TEX51: variants seen among roughly 807,000 people sequenced by gnomAD.
The protein encoded by TEX51 is testis-expressed protein 51.
Under a neutral mutation model 8.0 loss-of-function variants are expected in TEX51, and 14 were observed. The ratio of observed to expected loss-of-function variants is 1.76; its 90% confidence interval spans 1.16 to 2.75. The LOEUF is 2.75. Among genes scored for constraint, TEX51 ranks in the 30% most tolerant of loss-of-function variants. TEX51 has a pLI of 0.00. For synonymous variants in TEX51, 58 were observed against 28.6 expected (o/e 2.03, Z -3.29); for missense variants, 142 against 77.4 (o/e 1.83, Z -3.13).
rs777505117 is a variant in TEX51 at position 126,899,955 on chromosome 2, G to A, written c.330G>A (p.Lys110=). Reference sequence around the variant, plus strand: ...CCATAGACATACAGTCCACACTGAAGGTCACCAGCTGTGCTGACTGCAGGA... The same window carrying A: ...CCATAGACATACAGTCCACACTGAAAGTCACCAGCTGTGCTGACTGCAGGA... ...LKEKDIQSTL[K]VTSCADCRTH... is the part of the protein sequence containing the mutation. The change falls in exon 4 of 7, where the codon AAG becomes AAA. Residue 110 remains lysine, a synonymous_variant. Coordinates refer to ENST00000568484, the MANE Select transcript of TEX51 (RefSeq NM_001322244.2). 1 of 701,886 alleles carries A rather than the reference G, an allele frequency of 1.4e-6. No homozygotes were observed. 43.5% of individuals were successfully genotyped at this position (701,886 alleles called of 1,614,324 possible).
rs978926166 is a variant in TEX51, at chr2:126,901,969, C to G, written c.*100C>G. ...CTCTGGGTCCCGGTGACCCCATCCC[C>G]CCATACCCTCCATCCTGGGTCCTGG... On this transcript the variant is annotated 3_prime_UTR_variant, in exon 7 of 7. Coordinates refer to ENST00000568484, the MANE Select transcript of TEX51 (RefSeq NM_001322244.2). The G allele has an allele frequency of 1.1e-5, 7 of 644,530 alleles. No homozygotes were observed. Among genetic ancestry groups the G allele is most frequent in the Non-Finnish European group, 2.0e-5 (7 of 356,734 alleles). The allele number at this position is 644,530 out of a possible 1,614,324, so 39.9% of individuals were successfully genotyped here. A position where few individuals can be genotyped will look rare whatever the true frequency, so the allele number is the denominator to read the frequency against.
chr2:126,899,640 C>T (rs561477161), intron 3 of TEX51, 28 bp downstream of exon 3: 50 of 697,646 alleles, frequency 7.2e-5, no homozygotes, highest in Middle Eastern at 2.4e-4. Flanking sequence ...TCCCTGCACA[C>T]GGCCCAGCCC....
At chr2:126,901,593 G>A in intron 6 of TEX51, 189 bp downstream of exon 6, 6 of 602,378 alleles carry the variant, frequency 1.0e-5, no homozygotes, top group South Asian at 4.0e-5. Context: ...CAGACATATT[G>A]GGGCCAGGGG....
At position 126,901,568 on chromosome 2, in the gene TEX51, C is replaced by T. The variant is rs1339063177; in HGVS notation, c.*2+164C>T. 5.9e-5 allele frequency: 36 copies of T among 610,224 alleles called. No homozygotes were observed. The East Asian group carries it at 9.0e-4, about 15-fold the overall frequency. The allele number at this position is 610,224 out of a possible 1,614,324, so 37.8% of individuals were successfully genotyped here. On this transcript the variant is annotated intron_variant, in intron 6 of 6. Coordinates refer to ENST00000568484, the MANE Select transcript of TEX51 (RefSeq NM_001322244.2). The stretch of plus-strand genomic sequence containing the variant: ...CAGGACTCTCAGGAGTGCCACTCAT[C>T]AGCCTCCATATATGCAGACATATTG...
At chr2:126,899,694 GC>G in intron 3 of TEX51, 82 bp downstream of exon 3, 1 of 693,568 alleles carries the variant, frequency 1.4e-6, no homozygotes, top group Admixed American at 2.0e-5. Context: ...TCACTCTGCA[GC>G]CCCCTCGATC....
Position 126,899,535 on chromosome 2 carries a change from T to G in TEX51, c.233T>G (p.Leu78Arg), listed in dbSNP as rs1326814216. ...IKTLRDDKTV[L>R]LEEIYTHKNL... ...CTGCTCTACCCAGATAAAACAGTAC[T>G]TCTGGAAGAGATCTACACGCACAAG... Residue 78 changes from leucine (L) to arginine (R), a missense_variant, in exon 3 of 7, where the codon CTT (leucine) becomes CGT (arginine). By Grantham distance (102) the Leu-to-Arg change is moderately radical. Transcript: ENST00000568484. 3 of 562,314 alleles carry G rather than the reference T, an allele frequency of 5.3e-6. No individual in the cohort carries two copies. The highest frequency in any genetic ancestry group is 9.6e-6 in the Non-Finnish European group (3 of 313,122). 34.8% of individuals were successfully genotyped at this position (562,314 alleles called of 1,614,324 possible).
At chr2:126,901,581 T>A in intron 6 of TEX51, 177 bp downstream of exon 6, 1 of 606,018 alleles carries the variant, frequency 1.7e-6, no homozygotes, top group South Asian at 2.0e-5. Flanking sequence ...CCTCCATATA[T>A]GCAGACATAT....
Position 126,901,970 on chromosome 2 carries a change from C to G in TEX51, c.*101C>G. ...TCTGGGTCCCGGTGACCCCATCCCCCCATACCCTCCATCCTGGGTCCTGGG... is the reference window on the plus strand; with the variant it reads ...TCTGGGTCCCGGTGACCCCATCCCCGCATACCCTCCATCCTGGGTCCTGGG... On this transcript the variant is annotated 3_prime_UTR_variant, in exon 7 of 7. Coordinates refer to ENST00000568484, the MANE Select transcript of TEX51 (RefSeq NM_001322244.2). 1 of 642,432 alleles carries G rather than the reference C, an allele frequency of 1.6e-6. No homozygotes were observed. Among genetic ancestry groups the G allele is most frequent in the East Asian group, 3.0e-5 (1 of 33,572 alleles). The allele number at this position is 642,432 out of a possible 1,614,324, so 39.8% of individuals were successfully genotyped here.
chr2:126,899,496 A>G (rs879699776), intron 2 of TEX51, 27 bp from the exon 3 acceptor site: 1 of 693,654 alleles, frequency 1.4e-6, no homozygotes, highest in Non-Finnish European at 2.6e-6. Flanking sequence ...GTAACCCTGA[A>G]CACCCCTTCC....
rs1680248512 is a variant in TEX51, at chr2:126,900,119, C to A, written c.394+100C>A. The stretch of plus-strand genomic sequence containing the variant: ...TCTCTTTTGCCCAACTCAAGCTTTT[C>A]TTGTTCTTTATCCTCACCCTGGGTG... On this transcript the variant is annotated intron_variant, in intron 4 of 6. Coordinates refer to ENST00000568484, the MANE Select transcript of TEX51 (RefSeq NM_001322244.2). 5.8e-6 allele frequency: 4 copies of A among 684,326 alleles called. No individual in the cohort carries two copies. In the African/African-American group the frequency reaches 7.0e-5, roughly 12 times the overall value. 42.4% of individuals were successfully genotyped at this position (684,326 alleles called of 1,614,324 possible).
At chr2:126,899,636 C>T (rs1258724833) in intron 3 of TEX51, 24 bp downstream of exon 3, 2 of 698,292 alleles carry the variant, frequency 2.9e-6, no homozygotes, top group South Asian at 3.0e-5. Context: ...ACGATCCCTG[C>T]ACACGGCCCA....
In TEX51 at chr2:126,898,933, G is replaced by A. The variant is rs1344917723; in HGVS notation, c.15G>A (p.Leu5=). The change falls in exon 1 of 7, where the codon CTG becomes CTA. Residue 5 remains leucine, a synonymous_variant. Transcript: ENST00000568484. MLPL[L]IICLLPAIEG... ...GAACCCAGAAGATGCTGCCTCTCCTGATCATCTGTCTCCTGCCTGCCATTG... is the reference window on the plus strand; with the variant it reads ...GAACCCAGAAGATGCTGCCTCTCCTAATCATCTGTCTCCTGCCTGCCATTG... 8.6e-6 allele frequency: 6 copies of A among 700,392 alleles called. No homozygotes were observed. The highest frequency in any genetic ancestry group is 1.7e-5 in the African/African-American group (1 of 57,194). 43.4% of individuals were successfully genotyped at this position (700,392 alleles called of 1,614,324 possible).
chr2:126,901,219 G>C lies in TEX51; in HGVS notation c.404G>C (p.Arg135Pro), dbSNP rs572556847. 9 of 661,088 alleles carry C rather than the reference G, an allele frequency of 1.4e-5. No homozygotes were observed. The highest frequency in any genetic ancestry group is 2.2e-5 in the Non-Finnish European group (8 of 360,022). The allele number at this position is 661,088 out of a possible 1,614,324, so 41.0% of individuals were successfully genotyped here. Reference sequence around the variant, plus strand: ...CTCTTTCACACCCCAGCCAGGAACCGGCGGACCTCCCTGTGGGCTGTGAGT... The same window carrying C: ...CTCTTTCACACCCCAGCCAGGAACCCGCGGACCTCCCTGTGGGCTGTGAGT... ...NDPTFCPARN[R>P]RTSLWAVSLS... is the part of the protein sequence containing the mutation. Residue 135 changes from arginine to proline, a missense_variant, in exon 5 of 7, where the codon CGG becomes CCG. By Grantham distance (103) the Arg-to-Pro change is moderately radical. Transcript: ENST00000568484.
rs1403629534 is a variant in TEX51 at position 126,899,618 on chromosome 2, G to T, written c.310+6G>T. ...TGATGGGCTGAAGGAGAAGGGTAAGGGGTGGGGACGATCCCTGCACACGGC... is the reference window on the plus strand; with the variant it reads ...TGATGGGCTGAAGGAGAAGGGTAAGTGGTGGGGACGATCCCTGCACACGGC... On this transcript the variant is annotated splice_donor_region_variant and intron_variant, in intron 3 of 6. Transcript: ENST00000568484. The T allele has an allele frequency of 1.4e-6, 1 of 701,008 alleles. No individual in the cohort carries two copies. The highest frequency in any genetic ancestry group is 2.6e-6 in the Non-Finnish European group (1 of 384,326). The allele number at this position is 701,008 out of a possible 1,614,324, so 43.4% of individuals were successfully genotyped here.
chr2:126,901,063 T>A, intron 4 of TEX51, 147 bp from the exon 5 acceptor site: 1 of 545,438 alleles, frequency 1.8e-6, no homozygotes, highest in Non-Finnish European at 3.3e-6. Context: ...TGTCTAGATA[T>A]GTGCTGGGCG....
chr2:126,899,758 A>G (rs1415106854), intron 3 of TEX51, 146 bp downstream of exon 3: 2 of 701,220 alleles, frequency 2.9e-6, no homozygotes, highest in Admixed American at 2.0e-5. Context: ...TCCATCTCCT[A>G]CTTGCACCCC....
chr2:126,901,494 G>A (rs1680328547), intron 6 of TEX51, 90 bp downstream of exon 6: 34 of 688,004 alleles, frequency 4.9e-5, no homozygotes, highest in South Asian at 4.9e-4. Flanking sequence ...TGGAACCCCA[G>A]TGCTGACCTC....
In TEX51 at chr2:126,899,069, C is replaced by T. The variant is rs1183367073; in HGVS notation, c.145+6C>T. 1 of 702,282 alleles carries T rather than the reference C, an allele frequency of 1.4e-6. No homozygotes were observed. Among genetic ancestry groups the T allele is most frequent in the Non-Finnish European group, 2.6e-6 (1 of 384,790 alleles). 43.5% of individuals were successfully genotyped at this position (702,282 alleles called of 1,614,324 possible). A position where few individuals can be genotyped will look rare whatever the true frequency, so the allele number is the denominator to read the frequency against. ...ACCCACAGAACTTTCTCAAAGTATT[C>T]ACTCCTTGTTCCTAGAGGATAATAA... On this transcript the variant is annotated splice_donor_region_variant and intron_variant, in intron 1 of 6. Transcript: ENST00000568484.
chr2:126,901,530 TG>T lies in TEX51; in HGVS notation c.*2+129del, dbSNP rs1573452616. 6.0e-5 allele frequency: 38 copies of T among 636,822 alleles called. No homozygotes were observed. The East Asian group carries it at 1.0e-3, about 17-fold the overall frequency. The allele number at this position is 636,822 out of a possible 1,614,324, so 39.4% of individuals were successfully genotyped here. Reference sequence around the variant, plus strand: ...CTGGGGTCTGGCGTGCAGAACAGAGTGGGATCGAGGGCCAGGACTCTCAGGA... The same window carrying T: ...CTGGGGTCTGGCGTGCAGAACAGAGTGGATCGAGGGCCAGGACTCTCAGGA... On this transcript the variant is annotated intron_variant, in intron 6 of 6. Transcript: ENST00000568484.
Sources: allele counts gnomAD v4.1 joint callset, GRCh38; gene constraint gnomAD v4.1.1; transcripts MANE v1.5; gene names NCBI Gene and HGNC (gene_info 2026-07-23, HGNC 2026-07-21).